The following LRMDA variants were observed in gnomAD, a reference collection of about 807,000 sequenced individuals.
LRMDA encodes leucine-rich melanocyte differentiation-associated protein.
LRMDA carries 18 observed loss-of-function variants against 29.8 expected under a neutral mutation model. That is an observed-to-expected ratio of 0.60 (90% CI 0.42 to 0.90). LRMDA has a LOEUF of 0.90. Ranked by LOEUF, LRMDA falls within the 40% of genes least tolerant of loss-of-function variation. The pLI is 0.00. For missense variants in LRMDA, 273 were observed against 273.9 expected (o/e 1.00, Z 0.02); for synonymous variants, 125 against 109.4 (o/e 1.14, Z -0.89).
rs1341027222 is a variant in LRMDA, at chr10:75,569,553, T to G, written c.131+131059T>G. 2.0e-5 allele frequency among the ~76,000 whole-genome samples: 3 copies of G among 152,216 alleles called. No homozygotes were observed. The East Asian group carries it at 5.8e-4, about 29-fold the overall frequency. ...AGCAATAAAAACCCAGATATAAAAT[T>G]TTCATACATTTACAGTGATATAAAG... On this transcript the variant is annotated intron_variant, in intron 2 of 6. Transcript: ENST00000611255.
At chr10:75,634,216 G>A (rs984356315) in intron 2 of LRMDA, among the ~76,000 whole-genome samples, 1 of 152,290 alleles carries the variant, frequency 6.6e-6, no homozygotes, top group East Asian at 1.9e-4. Context: ...AAGTCAGGGT[G>A]GAGATAAGGG....
chr10:75,590,992 T>C (rs1375906353), intron 2 of LRMDA, among the ~76,000 whole-genome samples: 3 of 152,086 alleles, frequency 2.0e-5, no homozygotes, highest in Non-Finnish European at 4.4e-5. Context: ...TCTGCCCACC[T>C]CGGCCTCTCA....
At chr10:75,576,060 A>G (rs1454093222) in intron 2 of LRMDA, among the ~76,000 whole-genome samples, 1 of 151,780 alleles carries the variant, frequency 6.6e-6, no homozygotes, top group Non-Finnish European at 1.5e-5. Flanking sequence ...CCAGAGAGCC[A>G]AGTGTCTGGC....
intron 5 of LRMDA, among the ~76,000 whole-genome samples, chr10:76,160,699 T>C (rs939848193): frequency 7.2e-5 from 11 of 152,168 alleles, no homozygotes; most frequent in Non-Finnish European, 5.9e-5. Flanking sequence ...CAATGCTCCT[T>C]ATCCAGTGCT....
At chr10:75,890,842 T>C (rs1228452336) in intron 2 of LRMDA, among the ~76,000 whole-genome samples, 3 of 150,988 alleles carry the variant, frequency 2.0e-5, no homozygotes, top group African/African-American at 7.3e-5. Flanking sequence ...TGGTGGTTCA[T>C]GCCTATAATT....
intron 6 of LRMDA, among the ~76,000 whole-genome samples, chr10:76,373,769 T>C (rs1841483862): frequency 6.6e-6 from 1 of 152,184 alleles, no homozygotes; most frequent in Non-Finnish European, 1.5e-5. Flanking sequence ...AATGATAAGA[T>C]GATGGGCTTT....
intron 2 of LRMDA, among the ~76,000 whole-genome samples, chr10:75,946,776 C>T (rs1001187181): frequency 2.0e-5 from 3 of 152,118 alleles, no homozygotes; most frequent in African/African-American, 4.8e-5. Context: ...AGTTACATCC[C>T]GCCTGCTACA....
intron 5 of LRMDA, among the ~76,000 whole-genome samples, chr10:76,303,211 CTTTTTTT>C (rs34865373): frequency 2.3e-5 from 3 of 131,504 alleles, no homozygotes; most frequent in African/African-American, 5.7e-5. Flanking sequence ...ACACTCCTCC[CTTTTTTT>C]TTTTTTTTTT....
In LRMDA at chr10:76,460,055, C is replaced by G. The variant is rs79308751; in HGVS notation, c.602-97154C>G. On this transcript the variant is annotated intron_variant, in intron 6 of 6. Coordinates refer to ENST00000611255, the MANE Select transcript of LRMDA (RefSeq NM_001305581.2). ...ATATCCTATTTTCAAGATAGACCGTCAGTCTGGTGTTCAAAGCCTTTCATA... is the reference window on the plus strand; with the variant it reads ...ATATCCTATTTTCAAGATAGACCGTGAGTCTGGTGTTCAAAGCCTTTCATA... 9.5e-3 allele frequency among the ~76,000 whole-genome samples: 1,443 copies of G among 152,288 alleles called. 21 individuals carry two copies. Among genetic ancestry groups the G allele is most frequent in the African/African-American group, 0.033 (1,387 of 41,554 alleles).
At chr10:75,965,032 C>G (rs1225169517) in intron 2 of LRMDA, among the ~76,000 whole-genome samples, 2 of 152,180 alleles carry the variant, frequency 1.3e-5, no homozygotes, top group Admixed American at 1.3e-4. Context: ...TCCCAAAGTG[C>G]TGGGATTACA....
rs537129201 is a variant in LRMDA at position 75,877,517 on chromosome 10, C to T, written c.132-158491C>T. On this transcript the variant is annotated intron_variant, in intron 2 of 6. Transcript: ENST00000611255. Reference sequence around the variant, plus strand: ...CACTGTATTTGTGTTTGTAGCTCCACACCTAATGCAGTGCTGGACTCATTC... The same window carrying T: ...CACTGTATTTGTGTTTGTAGCTCCATACCTAATGCAGTGCTGGACTCATTC... Among the ~76,000 whole-genome samples the T allele has an allele frequency of 1.1e-4, 17 of 152,352 alleles. No individual in the cohort carries two copies. The South Asian group carries it at 3.3e-3, about 30-fold the overall frequency.
chr10:75,958,944 C>G (rs538580291), intron 2 of LRMDA, among the ~76,000 whole-genome samples: 2 of 152,232 alleles, frequency 1.3e-5, no homozygotes, highest in Admixed American at 1.3e-4. Context: ...CATCAGATCT[C>G]GTGAGACTTA....
At chr10:76,055,517 T>G (rs1848599837) in intron 4 of LRMDA, among the ~76,000 whole-genome samples, 3 of 152,186 alleles carry the variant, frequency 2.0e-5, no homozygotes, top group Non-Finnish European at 4.4e-5. Context: ...TTGCCTGAGT[T>G]TTGCTTGGGC....
chr10:75,845,987 A>C (rs1844629201), intron 2 of LRMDA, among the ~76,000 whole-genome samples: 3 of 152,198 alleles, frequency 2.0e-5, no homozygotes, highest in Non-Finnish European at 4.4e-5. Flanking sequence ...AAAGTTGTAT[A>C]TCATTGCTGC....
intron 2 of LRMDA, among the ~76,000 whole-genome samples, chr10:75,622,993 C>T (rs1305779868): frequency 5.9e-5 from 9 of 151,998 alleles, no homozygotes; most frequent in African/African-American, 1.7e-4. Context: ...TTAATTAAGC[C>T]GTAATTTTAC....
At chr10:76,096,617 T>C (rs1319411793) in intron 5 of LRMDA, among the ~76,000 whole-genome samples, 1 of 152,150 alleles carries the variant, frequency 6.6e-6, no homozygotes, top group Non-Finnish European at 1.5e-5. Context: ...CCCTGTAAAT[T>C]TTAATATCAG....
At chr10:76,147,508 G>T (rs1319995125) in intron 5 of LRMDA, among the ~76,000 whole-genome samples, 1 of 152,090 alleles carries the variant, frequency 6.6e-6, no homozygotes, top group Non-Finnish European at 1.5e-5. Context: ...TCGTCACGTA[G>T]CTCTCGTGCC....
intron 5 of LRMDA, among the ~76,000 whole-genome samples, chr10:76,143,836 T>G (rs1355609026): frequency 6.6e-6 from 1 of 152,240 alleles, no homozygotes; most frequent in African/African-American, 2.4e-5. Context: ...GTCTAACATT[T>G]AAGTCTTTAA....
chr10:75,721,823 T>C (rs1266318137), intron 2 of LRMDA, among the ~76,000 whole-genome samples: 1 of 152,200 alleles, frequency 6.6e-6, no homozygotes, highest in Non-Finnish European at 1.5e-5. Context: ...TAATAAAGAG[T>C]ATTCCATATA....
Sources: allele counts gnomAD v4.1 joint callset (sites outside exome capture counted in the v4.1 genomes callset), GRCh38; gene constraint gnomAD v4.1.1; transcripts MANE v1.5; gene names NCBI Gene and HGNC (gene_info 2026-07-23, HGNC 2026-07-21).